DMGDH: variants seen among roughly 807,000 people sequenced by gnomAD.
DMGDH encodes the protein dimethylglycine dehydrogenase, mitochondrial.
In DMGDH, 76 loss-of-function variants were observed where a neutral mutation model predicts 95.2. The observed-to-expected ratio is 0.80, with a 90% CI of 0.66 to 0.97. DMGDH has a LOEUF of 0.97. DMGDH is among the 50% of genes least tolerant of loss of function. DMGDH has a pLI of 0.00. For synonymous variants in DMGDH, 345 were observed against 377.6 expected (o/e 0.91, Z 1.00); for missense variants, 987 against 1,055.0 (o/e 0.94, Z 0.89).
rs753593591 is a variant in DMGDH at position 79,054,295 on chromosome 5, C to G, written c.429G>C (p.Arg143Ser). The G allele has an allele frequency of 5.0e-6, 8 of 1,613,998 alleles. No homozygotes were observed. The Admixed American group carries it at 1.3e-4, about 27-fold the overall frequency. ...GSIRLATTPVRVDEFKYQMTR... is the reference protein window; with the variant it reads ...GSIRLATTPVSVDEFKYQMTR... ...TCATTTGATATTTAAATTCATCTAC[C>G]CTTACAGGGGTGGTAGCAAGTCTGA... The change falls in exon 4 of 16, where the codon AGG becomes AGC. Residue 143 changes from arginine (R) to serine (S), a missense_variant. Transcript: ENST00000255189.
chr5:79,007,502 T>G (rs551486618), intron 14 of DMGDH, among the ~76,000 whole-genome samples: 1 of 151,112 alleles, frequency 6.6e-6, no homozygotes, highest in Non-Finnish European at 1.5e-5. Context: ...ATTTTTTTTT[T>G]GCTATCTTTT....
intron 4 of DMGDH, among the ~76,000 whole-genome samples, chr5:79,053,146 C>CT (rs147038898): frequency 2.6e-5 from 4 of 151,722 alleles, no homozygotes; most frequent in African/African-American, 7.3e-5. Context: ...TAGATATAAA[C>CT]TTTTTTTTTA....
At chr5:79,026,632 A>G (rs761153322) in intron 12 of DMGDH, 51 bp from the exon 13 acceptor site, 1 of 1,612,574 alleles carries the variant, frequency 6.2e-7, no homozygotes, top group South Asian at 1.1e-5. Context: ...TGATCACTAG[A>G]TCTAATGTGC....
chr5:78,998,418 GT>G (rs1753397066), intron 15 of DMGDH, 121 bp from the exon 16 acceptor site: 1 of 907,710 alleles, frequency 1.1e-6, no homozygotes, highest in African/African-American at 1.7e-5. Flanking sequence ...ATGAAGTGCT[GT>G]CTGGGGGGAC....
At chr5:79,033,564 A>G (rs920785599) in intron 7 of DMGDH, among the ~76,000 whole-genome samples, 156 bp from the exon 8 acceptor site, 1 of 152,210 alleles carries the variant, frequency 6.6e-6, no homozygotes, top group Non-Finnish European at 1.5e-5. Flanking sequence ...TTTCCTTAAA[A>G]GTGACATGTT....
intron 7 of DMGDH, 64 bp downstream of exon 7, chr5:79,042,219 G>T: frequency 6.9e-7 from 1 of 1,458,396 alleles, no homozygotes; most frequent in Non-Finnish European, 9.6e-7. Context: ...CTGAGAATAT[G>T]GAACTAGATT....
chr5:79,024,408 G>A (rs1051686457), intron 13 of DMGDH, 78 bp from the exon 14 acceptor site: 4 of 1,346,086 alleles, frequency 3.0e-6, no homozygotes, highest in African/African-American at 2.9e-5. Flanking sequence ...TTTGTTTTTA[G>A]GAGAAAGAAC....
chr5:79,025,596 C>T (rs991400122), intron 13 of DMGDH, among the ~76,000 whole-genome samples: 5 of 152,162 alleles, frequency 3.3e-5, no homozygotes, highest in African/African-American at 1.2e-4. Flanking sequence ...GAAAAGTAAA[C>T]AGAAGTTCTG....
At chr5:79,008,886 TC>T (rs1309292408) in intron 14 of DMGDH, among the ~76,000 whole-genome samples, 7 of 152,190 alleles carry the variant, frequency 4.6e-5, no homozygotes, top group African/African-American at 1.7e-4. Flanking sequence ...ATTCAAGAGC[TC>T]ATTTAATCCT....
At chr5:79,062,863 G>A (rs1755250996) in intron 2 of DMGDH, among the ~76,000 whole-genome samples, 1 of 152,192 alleles carries the variant, frequency 6.6e-6, no homozygotes, top group Non-Finnish European at 1.5e-5. Context: ...GGAGGCCAAG[G>A]CAGGCGGATC....
At position 79,063,610 on chromosome 5, in the gene DMGDH, T is replaced by A. The variant is rs749117070; in HGVS notation, c.276+3A>T. 1 of 1,614,188 alleles carries A rather than the reference T, an allele frequency of 6.2e-7. No individual in the cohort carries two copies. Among genetic ancestry groups the A allele is most frequent in the South Asian group, 1.1e-5 (1 of 91,070 alleles). On this transcript the variant is annotated splice_donor_region_variant and intron_variant, in intron 2 of 15. Coordinates refer to ENST00000255189, the MANE Select transcript of DMGDH (RefSeq NM_013391.3). ...TTATGACAGTTTGGGGTGCTTTTCT[T>A]ACTGCGTGCCAGGTAGATCCAGCCG... is the stretch of plus-strand genomic sequence containing the variant.
intron 15 of DMGDH, among the ~76,000 whole-genome samples, chr5:79,002,442 T>A (rs952852812): frequency 3.9e-5 from 6 of 152,210 alleles, no homozygotes; most frequent in African/African-American, 1.2e-4. Context: ...CAGCTCCCTG[T>A]TGGACTTGAC....
chr5:79,065,369 G>A (rs1442670436), intron 1 of DMGDH, among the ~76,000 whole-genome samples: 1 of 151,232 alleles, frequency 6.6e-6, no homozygotes, highest in African/African-American at 2.4e-5. Flanking sequence ...GTACCACCAC[G>A]CCCAGCTAAT....
At chr5:79,063,470 A>T (rs1221357878) in intron 2 of DMGDH, 143 bp downstream of exon 2, 1 of 876,740 alleles carries the variant, frequency 1.1e-6, no homozygotes, top group Non-Finnish European at 1.9e-6. Context: ...GAAGTACACC[A>T]GTTAAACTAC....
intron 14 of DMGDH, among the ~76,000 whole-genome samples, chr5:79,015,077 A>T (rs1422694677): frequency 6.6e-6 from 1 of 152,112 alleles, no homozygotes; most frequent in Non-Finnish European, 1.5e-5. Context: ...CTCCAAACCC[A>T]CATGCTCAGA....
chr5:79,052,064 T>C lies in DMGDH; in HGVS notation c.541-573A>G, dbSNP rs528550806. On this transcript the variant is annotated intron_variant, in intron 4 of 15. Transcript: ENST00000255189. ...AATGTCTTTTCTGTATCTATTGAAA[T>C]AACTGTGTAGTTTTGTCCTTTATTC... Among the ~76,000 whole-genome samples, 16 of 152,352 alleles carry C rather than the reference T, an allele frequency of 1.1e-4. No individual in the cohort carries two copies. In the South Asian group the frequency reaches 3.3e-3, roughly 32 times the overall value.
rs778449633 is a variant in DMGDH at position 79,054,193 on chromosome 5, G to A, written c.531C>T (p.Asn177=). 1 of 1,613,812 alleles carries A rather than the reference G, an allele frequency of 6.2e-7. No individual in the cohort carries two copies. Among genetic ancestry groups the A allele is most frequent in the Admixed American group, 1.7e-5 (1 of 60,006 alleles). The change falls in exon 4 of 16, where the codon AAC becomes AAT. Residue 177 remains asparagine (N), a synonymous_variant. Coordinates refer to ENST00000255189, the MANE Select transcript of DMGDH (RefSeq NM_013391.3). ...CCCTTAAGATAAATACCTTATTCAT[G>A]TTGAGTAAAGGGAACATCTCTTGAA... ...EKIQEMFPLL[N]MNKVLAGLYN... is the part of the protein sequence containing the mutation.
At chr5:79,010,363 G>C (rs1342419716) in intron 14 of DMGDH, among the ~76,000 whole-genome samples, 1 of 152,182 alleles carries the variant, frequency 6.6e-6, no homozygotes, top group African/African-American at 2.4e-5. Context: ...AGGGTAGTGG[G>C]CTATAAGACA....
intron 15 of DMGDH, among the ~76,000 whole-genome samples, chr5:79,005,035 T>C (rs1753521843): frequency 6.6e-6 from 1 of 152,252 alleles, no homozygotes; most frequent in Admixed American, 6.5e-5. Context: ...TTCAAGTCTT[T>C]GGGTTTGTTT....
Sources: allele counts gnomAD v4.1 joint callset (sites outside exome capture counted in the v4.1 genomes callset), GRCh38; gene constraint gnomAD v4.1.1; transcripts MANE v1.5; gene names NCBI Gene and HGNC (gene_info 2026-07-23, HGNC 2026-07-21).